The following WDFY2 variants were observed in gnomAD, a reference collection of about 807,000 sequenced individuals.
WDFY2 encodes WD repeat and FYVE domain-containing protein 2.
A neutral mutation model predicts 56.4 loss-of-function variants in WDFY2; 36 were observed. The observed-to-expected ratio is 0.64, with a 90% CI of 0.49 to 0.84. The LOEUF (loss-of-function observed/expected upper bound fraction) is 0.84, where lower values mean the gene tolerates loss of function less well. Among genes scored for constraint, WDFY2 ranks in the 40% least tolerant of loss-of-function variants. The probability of loss-of-function intolerance (pLI) is 0.00; values close to 1 mark genes in which losing one functional copy is unlikely to be tolerated. For synonymous variants in WDFY2, 176 were observed against 183.7 expected (o/e 0.96, Z 0.34); for missense variants, 444 against 512.2 (o/e 0.87, Z 1.29).
At chr13:51,652,771 T>G (rs1312979456) in intron 1 of WDFY2, among the ~76,000 whole-genome samples, 1 of 152,240 alleles carries the variant, frequency 6.6e-6, no homozygotes, top group African/African-American at 2.4e-5. Flanking sequence ...TGCCGAGAGA[T>G]CCGCTGTTAG....
At chr13:51,702,435 G>A (rs993711549) in intron 3 of WDFY2, among the ~76,000 whole-genome samples, 1 of 152,056 alleles carries the variant, frequency 6.6e-6, no homozygotes, top group African/African-American at 2.4e-5. Context: ...GTGACAAGTT[G>A]AATAATGTTA....
intron 1 of WDFY2, among the ~76,000 whole-genome samples, chr13:51,603,694 A>T (rs1954329040): frequency 6.6e-6 from 1 of 152,240 alleles, no homozygotes; most frequent in African/African-American, 2.4e-5. Flanking sequence ...ATGCTTTTCC[A>T]GTGTATACTT....
At chr13:51,686,868 T>C (rs1326136258) in intron 3 of WDFY2, among the ~76,000 whole-genome samples, 2 of 151,924 alleles carry the variant, frequency 1.3e-5, no homozygotes, top group Non-Finnish European at 2.9e-5. Context: ...TTTTTTTTCT[T>C]TTATTATTTG....
intron 1 of WDFY2, among the ~76,000 whole-genome samples, chr13:51,612,595 G>T (rs144701119): frequency 5.1e-4 from 78 of 152,318 alleles, no homozygotes; most frequent in Non-Finnish European, 9.6e-4. Flanking sequence ...TCTGAGAAGT[G>T]ATATAGTCCA....
intron 6 of WDFY2, among the ~76,000 whole-genome samples, chr13:51,733,519 A>G (rs1365637002): frequency 2.0e-5 from 3 of 152,226 alleles, no homozygotes; most frequent in African/African-American, 7.2e-5. Context: ...GAAACCAGTG[A>G]TGAAGTTTAA....
At chr13:51,726,569 C>T (rs568152692) in intron 5 of WDFY2, among the ~76,000 whole-genome samples, 3 of 152,262 alleles carry the variant, frequency 2.0e-5, no homozygotes, top group South Asian at 4.1e-4. Flanking sequence ...TTCCAAAATT[C>T]CAGATTCCCA....
intron 1 of WDFY2, among the ~76,000 whole-genome samples, chr13:51,648,167 G>C (rs912599351): frequency 6.6e-6 from 1 of 152,168 alleles, no homozygotes; most frequent in Non-Finnish European, 1.5e-5. Context: ...TGGGAGGCAC[G>C]TGGGAATTCC....
At chr13:51,749,767 A>ATC (rs1593476135) in intron 7 of WDFY2, among the ~76,000 whole-genome samples, 2 of 151,760 alleles carry the variant, frequency 1.3e-5, no homozygotes, top group Admixed American at 1.3e-4. Context: ...TTATCTAGGT[A>ATC]TCCAATGATT....
chr13:51,622,477 T>A (rs1232639662), intron 1 of WDFY2, among the ~76,000 whole-genome samples: 1 of 152,256 alleles, frequency 6.6e-6, no homozygotes, highest in African/African-American at 2.4e-5. Flanking sequence ...ATTCACAGCA[T>A]TTTCTAGACC....
intron 1 of WDFY2, among the ~76,000 whole-genome samples, chr13:51,660,277 A>G (rs1183115476): frequency 1.3e-5 from 2 of 151,770 alleles, no homozygotes; most frequent in East Asian, 3.9e-4. Context: ...ACTCACTGCA[A>G]CCTCTGCCTC....
At chr13:51,704,791 A>G in intron 4 of WDFY2, among the ~76,000 whole-genome samples, 1 of 152,348 alleles carries the variant, frequency 6.6e-6, no homozygotes, top group African/African-American at 2.4e-5. Context: ...AAGTTTTAAA[A>G]ATACATTACT....
chr13:51,698,106 A>G (rs879572244), intron 3 of WDFY2, among the ~76,000 whole-genome samples: 2 of 152,214 alleles, frequency 1.3e-5, no homozygotes, highest in Admixed American at 1.3e-4. Context: ...TTTAACAAGT[A>G]TGTGTTTTAG....
At chr13:51,649,350 T>C (rs1405316723) in intron 1 of WDFY2, among the ~76,000 whole-genome samples, 1 of 151,462 alleles carries the variant, frequency 6.6e-6, no homozygotes, top group Non-Finnish European at 1.5e-5. Context: ...CATTTGGCCC[T>C]GTCCTGTTAC....
chr13:51,648,720 C>T (rs1054187873), intron 1 of WDFY2, among the ~76,000 whole-genome samples: 2 of 151,986 alleles, frequency 1.3e-5, no homozygotes, highest in Middle Eastern at 3.2e-3. Context: ...ACATGTATCC[C>T]GGAACTTAAA....
chr13:51,766,815 CG>C lies in WDFY2; in HGVS notation c.*7048del, dbSNP rs759114832. 12 of 152,266 alleles carry C rather than the reference CG, an allele frequency of 7.9e-5. No individual in the cohort carries two copies. Among genetic ancestry groups the C allele is most frequent in the Non-Finnish European group, 1.3e-4 (9 of 68,070 alleles). 9.4% of individuals were successfully genotyped at this position (152,266 alleles called of 1,614,324 possible). ...CCTTTCTGCAGCTATGGTCCCATCA[CG>C]GTTACATGTGGCCACGCACACACCG... On this transcript the variant is annotated 3_prime_UTR_variant, in exon 12 of 12. Coordinates refer to ENST00000298125, the MANE Select transcript of WDFY2 (RefSeq NM_052950.4).
chr13:51,759,043 G>C (rs745512034), intron 11 of WDFY2, among the ~76,000 whole-genome samples: 7 of 152,126 alleles, frequency 4.6e-5, no homozygotes, highest in Non-Finnish European at 7.3e-5. Context: ...TTAGCCAGAC[G>C]TGGTGGTTCC....
chr13:51,592,655 A>G (rs1954072271), intron 1 of WDFY2: 1 of 152,084 alleles, frequency 6.6e-6, no homozygotes, highest in African/African-American at 2.4e-5. Context: ...TCTCTGTGTG[A>G]CTATGCTTTT....
In WDFY2 at chr13:51,739,119, C is replaced by G; in HGVS notation, c.669C>G (p.Val223=). Residue 223 remains valine, a synonymous_variant, in exon 7 of 12, where the codon GTC becomes GTG. Transcript: ENST00000298125. ...VLFSGSSDHS[V]IMWDIGGRKG... is the part of the protein sequence containing the mutation. ...TCTCAGGCAGTTCAGATCACTCTGTCATCATGTGGGACATCGGTGGGAGAA... is the reference window on the plus strand; with the variant it reads ...TCTCAGGCAGTTCAGATCACTCTGTGATCATGTGGGACATCGGTGGGAGAA... 1 of 1,600,892 alleles carries G rather than the reference C, an allele frequency of 6.2e-7. No individual in the cohort carries two copies. The highest frequency in any genetic ancestry group is 8.5e-7 in the Non-Finnish European group (1 of 1,173,912).
At chr13:51,703,459 A>G in intron 3 of WDFY2, 137 bp from the exon 4 acceptor site, 1 of 628,128 alleles carries the variant, frequency 1.6e-6, no homozygotes, top group Non-Finnish European at 2.8e-6. Context: ...GGGTACAAAA[A>G]TTCTGAGTTG....
Sources: allele counts gnomAD v4.1 joint callset (sites outside exome capture counted in the v4.1 genomes callset), GRCh38; gene constraint gnomAD v4.1.1; transcripts MANE v1.5; gene names NCBI Gene and HGNC (gene_info 2026-07-23, HGNC 2026-07-21).